Variants in FHIT observed in about 807,000 individuals in gnomAD.
The protein encoded by FHIT is bis(5'-adenosyl)-triphosphatase.
FHIT carries 19 observed loss-of-function variants against 17.9 expected under a neutral mutation model. The ratio of observed to expected loss-of-function variants is 1.06; its 90% CI spans 0.74 to 1.56. The LOEUF (loss-of-function observed/expected upper bound fraction) is 1.56, where lower values mean the gene tolerates loss of function less well. Among genes scored for constraint, FHIT ranks in the 40% most tolerant of loss-of-function variants. The pLI is 0.00. For missense variants in FHIT, 248 were observed against 189.2 expected (o/e 1.31, Z -1.82); for synonymous variants, 81 against 69.7 (o/e 1.16, Z -0.81).
intron 5 of FHIT, among the ~76,000 whole-genome samples, chr3:60,448,573 T>C (rs1300055433): frequency 2.0e-5 from 3 of 152,122 alleles, no homozygotes; most frequent in Non-Finnish European, 4.4e-5. Context: ...GGGTAAGTAA[T>C]TTAGTCAAGG....
At chr3:59,990,765 G>A (rs749536027) in intron 7 of FHIT, among the ~76,000 whole-genome samples, 1 of 152,018 alleles carries the variant, frequency 6.6e-6, no homozygotes, top group Non-Finnish European at 1.5e-5. Context: ...TGACCAAAGT[G>A]GTTTAACAAA....
chr3:60,083,599 GAT>G (rs1703378434), intron 5 of FHIT, among the ~76,000 whole-genome samples: 1 of 152,094 alleles, frequency 6.6e-6, no homozygotes, highest in Non-Finnish European at 1.5e-5. Flanking sequence ...TGCGGTCTTT[GAT>G]ATTGGGTCCT....
At chr3:60,403,941 C>T (rs1411093108) in intron 5 of FHIT, among the ~76,000 whole-genome samples, 1 of 152,102 alleles carries the variant, frequency 6.6e-6, no homozygotes, top group Non-Finnish European at 1.5e-5. Context: ...GTGAAGGGAT[C>T]GTGTATTAGG....
At chr3:60,587,691 T>C (rs2037951379) in intron 4 of FHIT, among the ~76,000 whole-genome samples, 1 of 152,042 alleles carries the variant, frequency 6.6e-6, no homozygotes, top group African/African-American at 2.4e-5. Context: ...TAGTTATTTC[T>C]ACCTCCATTA....
At chr3:60,441,164 C>A (rs989916184) in intron 5 of FHIT, among the ~76,000 whole-genome samples, 1 of 151,970 alleles carries the variant, frequency 6.6e-6, no homozygotes, top group East Asian at 1.9e-4. Flanking sequence ...AAAAAAAAGG[C>A]CATTTTACAC....
At chr3:60,874,154 G>C (rs936632231) in intron 3 of FHIT, among the ~76,000 whole-genome samples, 20 of 152,132 alleles carry the variant, frequency 1.3e-4, no homozygotes, top group Admixed American at 5.9e-4. Flanking sequence ...TCTAGACAAG[G>C]CTAATGGTAA....
intron 8 of FHIT, among the ~76,000 whole-genome samples, chr3:59,882,786 T>C (rs1358782627): frequency 6.6e-6 from 1 of 152,192 alleles, no homozygotes; most frequent in Non-Finnish European, 1.5e-5. Context: ...CTTTCCTATA[T>C]CAGCCTTGGT....
intron 5 of FHIT, among the ~76,000 whole-genome samples, chr3:60,497,887 A>C (rs967421094): frequency 6.6e-6 from 1 of 152,200 alleles, no homozygotes; most frequent in Non-Finnish European, 1.5e-5. Context: ...AACAACTTTG[A>C]GATCAACCAG....
intron 8 of FHIT, among the ~76,000 whole-genome samples, chr3:59,869,656 T>G (rs1291441834): frequency 6.6e-6 from 1 of 150,910 alleles, no homozygotes; most frequent in Non-Finnish European, 1.5e-5. Context: ...TAATTTTTTT[T>G]TTTTTTGTAT....
chr3:60,766,914 T>A (rs868976660), intron 4 of FHIT, among the ~76,000 whole-genome samples: 1 of 152,210 alleles, frequency 6.6e-6, no homozygotes, highest in African/African-American at 2.4e-5. Context: ...AAGTGACCCT[T>A]GTAAAAATAA....
intron 5 of FHIT, among the ~76,000 whole-genome samples, chr3:60,020,436 G>A (rs943582270): frequency 7.9e-5 from 12 of 152,152 alleles, no homozygotes; most frequent in Non-Finnish European, 7.3e-5. Context: ...TCAGAATATA[G>A]AAGTCACCAA....
chr3:60,760,739 T>C lies in FHIT; in HGVS notation c.-18+61180A>G, dbSNP rs539195574. 2.6e-5 allele frequency among the ~76,000 whole-genome samples: 4 copies of C among 152,276 alleles called. No individual in the cohort carries two copies. The South Asian group carries it at 6.2e-4, about 24-fold the overall frequency. On this transcript the variant is annotated intron_variant, in intron 4 of 9. Coordinates refer to ENST00000492590, the MANE Select transcript of FHIT (RefSeq NM_002012.4). ...AAGAAGACATGGCAACTTGAAATTA[T>C]GAAGAAATTCCAAATGTTGCATTTG... is the stretch of plus-strand genomic sequence containing the variant.
chr3:61,211,688 G>C (rs1167354973), intron 1 of FHIT, among the ~76,000 whole-genome samples: 1 of 152,226 alleles, frequency 6.6e-6, no homozygotes, highest in Admixed American at 6.5e-5. Context: ...ATCTGAGAAT[G>C]GGGAGACTGC....
intron 5 of FHIT, among the ~76,000 whole-genome samples, chr3:60,019,372 C>T (rs898151693): frequency 6.7e-6 from 1 of 149,514 alleles, no homozygotes; most frequent in Non-Finnish European, 1.5e-5. Flanking sequence ...CTTGGCTGTC[C>T]TAGTGAGTAA....
At chr3:60,279,819 C>T (rs186569273) in intron 5 of FHIT, among the ~76,000 whole-genome samples, 4 of 152,032 alleles carry the variant, frequency 2.6e-5, no homozygotes, top group Admixed American at 2.0e-4. Flanking sequence ...ATCAGGAGGT[C>T]AGGAGATCAA....
intron 5 of FHIT, among the ~76,000 whole-genome samples, chr3:60,196,083 G>C (rs1042854434): frequency 6.6e-6 from 1 of 152,138 alleles, no homozygotes; most frequent in South Asian, 2.1e-4. Flanking sequence ...ACCAGTTACT[G>C]AGGATGGACA....
At chr3:60,030,480 T>C (rs1700955076) in intron 5 of FHIT, among the ~76,000 whole-genome samples, 1 of 152,238 alleles carries the variant, frequency 6.6e-6, no homozygotes, top group African/African-American at 2.4e-5. Context: ...CTTAGTAGAC[T>C]TATCAATCCC....
chr3:61,212,114 C>T lies in FHIT; in HGVS notation c.-212-11449G>A, dbSNP rs139061691. Among the ~76,000 whole-genome samples the T allele has an allele frequency of 1.6e-3, 246 of 152,336 alleles. 1 individual carries two copies. The highest frequency in any genetic ancestry group is 5.4e-3 in the African/African-American group (223 of 41,560). On this transcript the variant is annotated intron_variant, in intron 1 of 9. Coordinates refer to ENST00000492590, the MANE Select transcript of FHIT (RefSeq NM_002012.4). ...GAGCGCTTCTCCTCCTCCAAAGGAA[C>T]GCAGTTCCTCACCAGCAACGGAATA...
chr3:60,990,452 C>T (rs1364084057), intron 3 of FHIT, among the ~76,000 whole-genome samples: 1 of 152,176 alleles, frequency 6.6e-6, no homozygotes, highest in Non-Finnish European at 1.5e-5. Flanking sequence ...GATAAAAGAG[C>T]ATCTATATAT....
Sources: allele counts gnomAD v4.1 joint callset (sites outside exome capture counted in the v4.1 genomes callset), GRCh38; gene constraint gnomAD v4.1.1; transcripts MANE v1.5; gene names NCBI Gene and HGNC (gene_info 2026-07-23, HGNC 2026-07-21).